Variants in RBFOX1 observed in about 807,000 individuals in gnomAD.
RBFOX1 encodes RNA binding protein fox-1 homolog 1.
A neutral mutation model predicts 57.7 loss-of-function variants in RBFOX1; 8 were observed. That is an observed-to-expected ratio of 0.14 (90% CI 0.08 to 0.25). RBFOX1 has a LOEUF of 0.25. Ranked by LOEUF, RBFOX1 falls within the 10% of genes least tolerant of loss-of-function variation. The pLI, the probability that RBFOX1 is intolerant of heterozygous loss-of-function variation, is 1.00. For synonymous variants in RBFOX1, 326 were observed against 222.4 expected (o/e 1.47, Z -4.15); for missense variants, 611 against 548.5 (o/e 1.11, Z -1.14).
At chr16:7,000,586 C>CTTTTTTTTT (rs149516490) in intron 3 of RBFOX1, among the ~76,000 whole-genome samples, 37 of 95,812 alleles carry the variant, frequency 3.9e-4, no homozygotes, top group African/African-American at 1.2e-3. Context: ...TTTTTTCTTT[C>CTTTTTTTTT]TTTTTCTTTC....
chr16:7,057,541 T>G (rs2052738217), intron 4 of RBFOX1, among the ~76,000 whole-genome samples: 1 of 152,214 alleles, frequency 6.6e-6, no homozygotes, highest in Non-Finnish European at 1.5e-5. Context: ...CAGTGCATCC[T>G]CGTTACAAAT....
At chr16:6,196,882 T>C (rs957298735) in intron 1 of RBFOX1, among the ~76,000 whole-genome samples, 2 of 152,030 alleles carry the variant, frequency 1.3e-5, no homozygotes, top group Non-Finnish European at 2.9e-5. Context: ...TGCATCGAGG[T>C]CATCTCTGTC....
intron 1 of RBFOX1, among the ~76,000 whole-genome samples, chr16:6,105,426 A>G (rs934500294): frequency 6.6e-6 from 1 of 152,180 alleles, no homozygotes; most frequent in Non-Finnish European, 1.5e-5. Flanking sequence ...CAGAATTATC[A>G]CAAATTCCAC....
intron 2 of RBFOX1, among the ~76,000 whole-genome samples, chr16:5,496,580 TTC>T (rs933450270): frequency 7.9e-5 from 12 of 152,144 alleles, no homozygotes. Context: ...AAGCTTGCTT[TTC>T]TCTCTCTCTT....
chr16:5,821,654 T>A (rs1285910727), intron 3 of RBFOX1, among the ~76,000 whole-genome samples: 2 of 152,202 alleles, frequency 1.3e-5, no homozygotes, highest in African/African-American at 4.8e-5. Context: ...CTGTTCCTGC[T>A]GCTGTAACAA....
intron 2 of RBFOX1, among the ~76,000 whole-genome samples, chr16:5,497,643 G>A (rs1279243775): frequency 1.6e-5 from 2 of 126,060 alleles, no homozygotes; most frequent in Non-Finnish European, 3.0e-5. Flanking sequence ...AAAAAAGCTG[G>A]GCATGGTGGC....
At chr16:5,958,782 C>T (rs973662129) in intron 4 of RBFOX1, among the ~76,000 whole-genome samples, 1 of 152,192 alleles carries the variant, frequency 6.6e-6, no homozygotes. Flanking sequence ...CACCCACCCA[C>T]ATTCCTTGGC....
chr16:7,495,888 C>T (rs1178097891), intron 4 of RBFOX1, among the ~76,000 whole-genome samples: 2 of 106,676 alleles, frequency 1.9e-5, no homozygotes, highest in Admixed American at 1.1e-4. Flanking sequence ...CTTCTCCATT[C>T]AAAGATACTA....
At chr16:6,880,230 G>C (rs1165251968) in intron 3 of RBFOX1, among the ~76,000 whole-genome samples, 1 of 152,118 alleles carries the variant, frequency 6.6e-6, no homozygotes, top group African/African-American at 2.4e-5. Context: ...CCGGGGGGTA[G>C]CAACATGACA....
chr16:6,847,876 C>T (rs776561382), intron 3 of RBFOX1, among the ~76,000 whole-genome samples: 2 of 152,044 alleles, frequency 1.3e-5, no homozygotes, highest in Non-Finnish European at 1.5e-5. Context: ...CTTGGTCTGT[C>T]AGTCAGGCTG....
chr16:7,584,521 C>T (rs2093990077), intron 6 of RBFOX1, among the ~76,000 whole-genome samples: 1 of 152,092 alleles, frequency 6.6e-6, no homozygotes. Flanking sequence ...CCAAACTCCC[C>T]ACCTTGTGAT....
chr16:5,247,609 G>A (rs566865443), intron 1 of RBFOX1, among the ~76,000 whole-genome samples: 3 of 152,318 alleles, frequency 2.0e-5, no homozygotes, highest in East Asian at 3.9e-4. Context: ...TACAAATAAA[G>A]TTTTATTGGA....
At chr16:5,426,491 A>AC (rs2067563752) in intron 1 of RBFOX1, among the ~76,000 whole-genome samples, 1 of 152,132 alleles carries the variant, frequency 6.6e-6, no homozygotes, top group Non-Finnish European at 1.5e-5. Flanking sequence ...GGAAGAGGTG[A>AC]CCCCTCAGGT....
chr16:7,177,948 A>C lies in RBFOX1; in HGVS notation c.27+125850A>C, dbSNP rs564863939. On this transcript the variant is annotated intron_variant, in intron 4 of 15. Transcript: ENST00000550418. The stretch of plus-strand genomic sequence containing the variant: ...TTTTGTAGGTGTGCTCAGAAGATCA[A>C]CTGGAGAGCAGACACAACATGCTCA... Among the ~76,000 whole-genome samples, 9 of 152,204 alleles carry C rather than the reference A, an allele frequency of 5.9e-5. No individual in the cohort carries two copies. In the South Asian group the frequency reaches 6.2e-4, roughly 11 times the overall value.
intron 2 of RBFOX1, among the ~76,000 whole-genome samples, chr16:5,496,089 A>G (rs548680232): frequency 1.3e-5 from 2 of 152,256 alleles, no homozygotes; most frequent in African/African-American, 4.8e-5. Context: ...TCGCACCACC[A>G]CACTCCAGCC....
At chr16:5,430,752 T>C (rs2067707582) in intron 1 of RBFOX1, among the ~76,000 whole-genome samples, 1 of 152,248 alleles carries the variant, frequency 6.6e-6, no homozygotes, top group South Asian at 2.1e-4. Context: ...CTCATTGTAG[T>C]AATATAAGTA....
intron 4 of RBFOX1, among the ~76,000 whole-genome samples, chr16:7,344,661 A>C (rs928281337): frequency 6.6e-6 from 1 of 151,928 alleles, no homozygotes; most frequent in African/African-American, 2.4e-5. Context: ...AATAATTTCT[A>C]CCACTTTGAA....
At chr16:5,838,124 A>G (rs1194582000) in intron 3 of RBFOX1, 2 of 153,936 alleles carry the variant, frequency 1.3e-5, no homozygotes, top group Non-Finnish European at 1.5e-5. Flanking sequence ...TAATTTCCAT[A>G]TTACATATTG....
At chr16:7,621,788 G>A (rs2059356041) in intron 10 of RBFOX1, among the ~76,000 whole-genome samples, 1 of 152,084 alleles carries the variant, frequency 6.6e-6, no homozygotes, top group African/African-American at 2.4e-5. Flanking sequence ...AGCAGTAAAG[G>A]GATCTTAGAA....
Sources: allele counts gnomAD v4.1 joint callset (sites outside exome capture counted in the v4.1 genomes callset), GRCh38; gene constraint gnomAD v4.1.1; transcripts MANE v1.5; gene names NCBI Gene and HGNC (gene_info 2026-07-23, HGNC 2026-07-21).